LNP1: variants seen among roughly 807,000 people sequenced by gnomAD.
The protein encoded by LNP1 is leukemia NUP98 fusion partner 1.
A neutral mutation model predicts 14.5 loss-of-function variants in LNP1; 12 were observed. The observed-to-expected ratio is 0.83, with a 90% CI of 0.53 to 1.34. The LOEUF is 1.34. Among genes scored for constraint, LNP1 ranks in the 40% most tolerant of loss-of-function variants. LNP1 has a pLI of 0.00. For synonymous variants in LNP1, 75 were observed against 71.4 expected, an observed-to-expected ratio of 1.05 and a Z score of -0.26; for missense variants, 198 against 210.9, an observed-to-expected ratio of 0.94 and a Z score of 0.38.
intron 2 of LNP1, among the ~76,000 whole-genome samples, chr3:100,448,158 AACTGAGACAGTGAAAAAGATTAGACTTC>A (rs537679156): frequency 6.3e-4 from 96 of 152,336 alleles, no homozygotes; most frequent in African/African-American, 2.1e-3. Context: ...GTAAGATTAT[AACTGAGACAGTGAAAAAGATTAGACTTC>A]ACTGACTCCA....
At chr3:100,408,241 C>T (rs1321678971) in intron 1 of LNP1, among the ~76,000 whole-genome samples, 2 of 152,242 alleles carry the variant, frequency 1.3e-5, no homozygotes, top group East Asian at 1.9e-4. Context: ...CATCCTCTAA[C>T]AGTAAGCCTG....
At chr3:100,448,499 A>G (rs919572993) in intron 2 of LNP1, among the ~76,000 whole-genome samples, 5 of 152,188 alleles carry the variant, frequency 3.3e-5, no homozygotes, top group Non-Finnish European at 5.9e-5. Context: ...TGTAACCCCT[A>G]TGTCAAATTT....
At chr3:100,418,687 T>A (rs1344107933) in intron 1 of LNP1, among the ~76,000 whole-genome samples, 1 of 152,206 alleles carries the variant, frequency 6.6e-6, no homozygotes, top group Non-Finnish European at 1.5e-5. Context: ...CCATCCCATT[T>A]GGTTTTAGAT....
chr3:100,419,310 C>T (rs1462318901), intron 1 of LNP1, among the ~76,000 whole-genome samples: 6 of 151,330 alleles, frequency 4.0e-5, no homozygotes, highest in African/African-American at 1.5e-4. Flanking sequence ...TTCTTTTTTA[C>T]TTTTTATTAT....
intron 1 of LNP1, among the ~76,000 whole-genome samples, chr3:100,415,514 AT>A (rs1191318221): frequency 2.6e-5 from 4 of 152,232 alleles, no homozygotes; most frequent in African/African-American, 9.6e-5. Flanking sequence ...AAAAAATGGA[AT>A]TGTAAATTGA....
intron 1 of LNP1, among the ~76,000 whole-genome samples, chr3:100,408,608 G>T (rs551474014): frequency 3.9e-4 from 59 of 152,316 alleles, no homozygotes; most frequent in African/African-American, 1.3e-3. Context: ...TCTCACAGGG[G>T]CTATGGTTTC....
Position 100,409,604 on chromosome 3 carries a change from A to AT in LNP1, c.-34+7166dup, listed in dbSNP as rs1357598408. On this transcript the variant is annotated intron_variant, in intron 1 of 3. Coordinates refer to ENST00000383693, the MANE Select transcript of LNP1 (RefSeq NM_001085451.2). Reference sequence around the variant, plus strand: ...CACACACACACACATATATATATATATATTTTTTTTTTTTTTGAGTCTCAC... The same window carrying AT: ...CACACACACACACATATATATATATATTATTTTTTTTTTTTTTGAGTCTCAC... Among the ~76,000 whole-genome samples the AT allele has an allele frequency of 5.2e-3, 454 of 87,638 alleles. 7 individuals are homozygous for AT. The South Asian group carries it at 0.067, about 13-fold the overall frequency. 57.5% of individuals were successfully genotyped at this position (87,638 alleles called of 152,430 possible).
chr3:100,406,447 A>G (rs1005675561), intron 1 of LNP1, among the ~76,000 whole-genome samples: 6 of 152,182 alleles, frequency 3.9e-5, no homozygotes, highest in Non-Finnish European at 8.8e-5. Flanking sequence ...TCATGTGTCA[A>G]TTTGACTGGG....
At chr3:100,416,880 C>A (rs1011628419) in intron 1 of LNP1, among the ~76,000 whole-genome samples, 1 of 151,948 alleles carries the variant, frequency 6.6e-6, no homozygotes, top group African/African-American at 2.4e-5. Flanking sequence ...CTCTCCCTCC[C>A]CTTTCCCCTA....
intron 1 of LNP1, among the ~76,000 whole-genome samples, chr3:100,425,092 G>A (rs555317145): frequency 2.0e-5 from 3 of 152,300 alleles, no homozygotes; most frequent in African/African-American, 7.2e-5. Flanking sequence ...TTGGGCTGAG[G>A]CAGGCCAAGA....
At chr3:100,426,052 A>T (rs980985353) in intron 1 of LNP1, among the ~76,000 whole-genome samples, 2 of 152,200 alleles carry the variant, frequency 1.3e-5, no homozygotes, top group Non-Finnish European at 2.9e-5. Flanking sequence ...TCAGGAGTGG[A>T]TGGAGGGGTC....
intron 1 of LNP1, among the ~76,000 whole-genome samples, chr3:100,423,286 TAAGAAA>T (rs1476365770): frequency 2.0e-5 from 3 of 152,040 alleles, no homozygotes; most frequent in East Asian, 3.8e-4. Context: ...CCTTAACTGT[TAAGAAA>T]AAGAAAAACG....
intron 1 of LNP1, among the ~76,000 whole-genome samples, chr3:100,427,030 T>G (rs1213524635): frequency 6.6e-6 from 1 of 152,100 alleles, no homozygotes; most frequent in African/African-American, 2.4e-5. Context: ...GCGTATATGA[T>G]TCACATTATA....
chr3:100,422,765 T>C lies in LNP1; in HGVS notation c.-33-6932T>C, dbSNP rs574620972. Among the ~76,000 whole-genome samples the C allele has an allele frequency of 4.6e-5, 7 of 151,100 alleles. No homozygotes were observed. The East Asian group carries it at 1.4e-3, about 29-fold the overall frequency. ...GGATATTTATATAACCAATATTTTA[T>C]AGGCAAATCTCTGAAAACATACCTT... On this transcript the variant is annotated intron_variant, in intron 1 of 3. Coordinates refer to ENST00000383693, the MANE Select transcript of LNP1 (RefSeq NM_001085451.2).
At chr3:100,412,623 C>T (rs149770002) in intron 1 of LNP1, among the ~76,000 whole-genome samples, 20 of 152,254 alleles carry the variant, frequency 1.3e-4, no homozygotes, top group African/African-American at 4.3e-4. Context: ...CATCAGAAGC[C>T]GTGTCTGATT....
intron 2 of LNP1, among the ~76,000 whole-genome samples, chr3:100,439,776 C>T (rs1020522486): frequency 8.5e-5 from 13 of 152,150 alleles, no homozygotes; most frequent in African/African-American, 3.1e-4. Flanking sequence ...TGCTCCCCAT[C>T]CTATCCACAG....
At chr3:100,450,494 C>A (rs1007409645) in intron 2 of LNP1, among the ~76,000 whole-genome samples, 1 of 151,936 alleles carries the variant, frequency 6.6e-6, no homozygotes, top group Non-Finnish European at 1.5e-5. Flanking sequence ...CCACCATGCC[C>A]GGCTAATTTT....
At chr3:100,436,743 C>T (rs776681145) in intron 2 of LNP1, among the ~76,000 whole-genome samples, 13 of 152,132 alleles carry the variant, frequency 8.5e-5, no homozygotes, top group Non-Finnish European at 1.9e-4. Context: ...TCCCCTTCCC[C>T]CATTCATATG....
intron 1 of LNP1, among the ~76,000 whole-genome samples, chr3:100,426,684 T>C (rs1439794568): frequency 6.6e-6 from 1 of 152,208 alleles, no homozygotes; most frequent in Non-Finnish European, 1.5e-5. Context: ...TTCTATGTTG[T>C]CTACCTTTTC....
Sources: allele counts gnomAD v4.1 joint callset (sites outside exome capture counted in the v4.1 genomes callset), GRCh38; gene constraint gnomAD v4.1.1; transcripts MANE v1.5; gene names NCBI Gene and HGNC (gene_info 2026-07-23, HGNC 2026-07-21).